POFUT1: variants seen among roughly 807,000 people sequenced by gnomAD.
The protein encoded by POFUT1 is GDP-fucose protein O-fucosyltransferase 1.
Under a neutral mutation model 42.4 loss-of-function variants are expected in POFUT1, and 16 were observed. The ratio of observed to expected loss-of-function variants is 0.38; its 90% CI spans 0.26 to 0.57. The LOEUF (loss-of-function observed/expected upper bound fraction) is 0.57, where lower values mean the gene tolerates loss of function less well. Ranked by LOEUF, POFUT1 falls within the 20% of genes least tolerant of loss-of-function variation. The pLI is 0.71. For missense variants in POFUT1, 470 were observed against 504.6 expected (o/e 0.93, Z 0.66); for synonymous variants, 206 against 205.4 (o/e 1.00, Z -0.03).
chr20:32,224,954 C>T (rs2047407445), intron 4 of POFUT1, among the ~76,000 whole-genome samples: 1 of 152,084 alleles, frequency 6.6e-6, no homozygotes, highest in South Asian at 2.1e-4. Flanking sequence ...TTATATGTAA[C>T]CTTTAACTAG....
chr20:32,237,661 T>G lies in POFUT1; in HGVS notation c.*3000T>G, dbSNP rs1600397931. On this transcript the variant is annotated 3_prime_UTR_variant, in exon 7 of 7. Coordinates refer to ENST00000375749, the MANE Select transcript of POFUT1 (RefSeq NM_015352.2). ...GAGAGATACAGGAAGCCTCCTAGGG[T>G]TCTGAGCAGAAGAGGGGCATGAGCT... 2.7e-6 allele frequency: 1 copy of G among 376,872 alleles called. No individual in the cohort carries two copies. The highest frequency in any genetic ancestry group is 5.6e-6 in the Non-Finnish European group (1 of 178,462). 23.3% of individuals were successfully genotyped at this position (376,872 alleles called of 1,614,324 possible).
Position 32,237,587 on chromosome 20 carries a change from G to A in POFUT1, c.*2926G>A, listed in dbSNP as rs747119538. On this transcript the variant is annotated 3_prime_UTR_variant, in exon 7 of 7. Coordinates refer to ENST00000375749, the MANE Select transcript of POFUT1 (RefSeq NM_015352.2). ...AACCGAGCAGCAGGTCAGAGCAGGCGAGCTGACATTCTGCAGCCTGGACGG... is the reference window on the plus strand; with the variant it reads ...AACCGAGCAGCAGGTCAGAGCAGGCAAGCTGACATTCTGCAGCCTGGACGG... 2.8e-5 allele frequency: 8 copies of A among 289,832 alleles called. No individual in the cohort carries two copies. Among genetic ancestry groups the A allele is most frequent in the African/African-American group, 4.3e-5 (2 of 46,108 alleles). The allele number at this position is 289,832 out of a possible 1,614,324, so 18.0% of individuals were successfully genotyped here.
intron 4 of POFUT1, among the ~76,000 whole-genome samples, chr20:32,225,020 G>T (rs1268641524): frequency 6.6e-6 from 1 of 152,118 alleles, no homozygotes; most frequent in Admixed American, 6.5e-5. Context: ...CTTTCTGTGT[G>T]CCAAGGTACT....
At chr20:32,215,132 G>A (rs1013919889) in intron 2 of POFUT1, 137 bp from the exon 3 acceptor site, 26 of 568,492 alleles carry the variant, frequency 4.6e-5, no homozygotes, top group Non-Finnish European at 7.1e-5. Context: ...CAAGTGATCC[G>A]CCCGCCTTAT....
chr20:32,217,673 G>C, intron 4 of POFUT1: 1 of 985,578 alleles, frequency 1.0e-6, no homozygotes, highest in South Asian at 4.7e-5. Context: ...TATCTGCCTC[G>C]TAGTGCATGA....
intron 4 of POFUT1, among the ~76,000 whole-genome samples, chr20:32,220,822 G>A (rs1163251302): frequency 6.6e-6 from 1 of 151,986 alleles, no homozygotes; most frequent in Non-Finnish European, 1.5e-5. Flanking sequence ...TGTCATCTGG[G>A]AGCCAAGCTG....
At chr20:32,213,629 G>C (rs1022115439) in intron 2 of POFUT1, among the ~76,000 whole-genome samples, 3 of 151,910 alleles carry the variant, frequency 2.0e-5, no homozygotes, top group Non-Finnish European at 4.4e-5. Flanking sequence ...AAAATTAGCC[G>C]GCGTGGTGGT....
At chr20:32,217,514 A>C in intron 4 of POFUT1, 2 of 988,180 alleles carry the variant, frequency 2.0e-6, no homozygotes, top group Non-Finnish European at 2.4e-6. Flanking sequence ...TGGGAGGCCA[A>C]GGTGGGTGGA....
At chr20:32,208,109 C>T (rs1031984829) in intron 1 of POFUT1, 44 bp downstream of exon 1, 3 of 1,523,506 alleles carry the variant, frequency 2.0e-6, no homozygotes, top group African/African-American at 1.4e-5. Flanking sequence ...AAACTGAGGC[C>T]GGGAGAGGAA....
At position 32,226,122 on chromosome 20, in the gene POFUT1, TTTTG is replaced by T. The variant is rs2047413617; in HGVS notation, c.543-2137_543-2134del. Among the ~76,000 whole-genome samples the T allele has an allele frequency of 1.2e-4, 3 of 25,012 alleles. No individual in the cohort carries two copies. In the African/African-American group the frequency reaches 1.8e-3, roughly 15 times the overall value. 16.4% of individuals were successfully genotyped at this position (25,012 alleles called of 152,430 possible). A position where few individuals can be genotyped will look rare whatever the true frequency, so the allele number is the denominator to read the frequency against. ...TGTGTTTTTTGTTTTGTTTGTTTTG[TTTTG>T]TTTTTAAACCTGAAACAAAGCAAAG... On this transcript the variant is annotated intron_variant, in intron 4 of 6. Transcript: ENST00000375749.
Position 32,215,835 on chromosome 20 carries a change from TACTC to T in POFUT1, c.429+387_429+390del, listed in dbSNP as rs554174170. ...GCTTTACATGTATCAACTCATTTAA[TACTC>T]ACACTGTTCCATGAGGAAAATACTT... On this transcript the variant is annotated intron_variant, in intron 3 of 6. Coordinates refer to ENST00000375749, the MANE Select transcript of POFUT1 (RefSeq NM_015352.2). Among the ~76,000 whole-genome samples, 61 of 152,344 alleles carry T rather than the reference TACTC, an allele frequency of 4.0e-4. 2 individuals are homozygous for T. The South Asian group carries it at 0.011, about 27-fold the overall frequency.
chr20:32,222,692 C>T, intron 4 of POFUT1: 2 of 985,240 alleles, frequency 2.0e-6, no homozygotes, highest in South Asian at 9.4e-5. Flanking sequence ...GGTATTTCTT[C>T]TTTACCACGT....
chr20:32,224,875 A>G (rs1403718625), intron 4 of POFUT1, among the ~76,000 whole-genome samples: 1 of 152,240 alleles, frequency 6.6e-6, no homozygotes, highest in East Asian at 1.9e-4. Context: ...ATACAACCAC[A>G]TGATCCACAT....
At chr20:32,219,114 AC>A (rs1400651345) in intron 4 of POFUT1, among the ~76,000 whole-genome samples, 1 of 152,214 alleles carries the variant, frequency 6.6e-6, no homozygotes, top group Non-Finnish European at 1.5e-5. Context: ...CAGAATAAGG[AC>A]ATGAACAAGG....
rs748345599 is a variant in POFUT1 at position 32,236,838 on chromosome 20, G to A, written c.*2177G>A. ...ATTTATTCCCCAGCCCTGGGAAATA[G>A]GAGCTGTCATTATCCTTCTCTTTCT... On this transcript the variant is annotated 3_prime_UTR_variant, in exon 7 of 7. Transcript: ENST00000375749. 7 of 152,176 alleles carry A rather than the reference G, an allele frequency of 4.6e-5. No individual in the cohort carries two copies. Among genetic ancestry groups the A allele is most frequent in the Non-Finnish European group, 1.0e-4 (7 of 68,034 alleles). 9.4% of individuals were successfully genotyped at this position (152,176 alleles called of 1,614,324 possible).
In POFUT1 at chr20:32,215,235, T is replaced by C. The variant is rs1314779863; in HGVS notation, c.247-34T>C. 1.9e-6 allele frequency: 3 copies of C among 1,574,290 alleles called. No individual in the cohort carries two copies. In the African/African-American group the frequency reaches 4.1e-5, roughly 21 times the overall value. ...ATGTCTAAAGTAGCCACGGGGGCAC[T>C]GAGACGGGACCTCTGCTCCTCCTTT... is the stretch of plus-strand genomic sequence containing the variant. On this transcript the variant is annotated intron_variant, in intron 2 of 6. Transcript: ENST00000375749.
Position 32,207,979 on chromosome 20 carries a change from C to A in POFUT1, c.38C>A (p.Ser13Tyr). The change falls in exon 1 of 7, where the codon TCT (serine) becomes TAT (tyrosine). Residue 13 changes from serine to tyrosine, a missense_variant. Transcript: ENST00000375749. ...GCGTGGGCACGGCCGCTGAGCGTGT[C>A]TTTCCTGCTGCTGCTTCTGCCGCTC... ...AAAWARPLSV[S>Y]FLLLLLPLPG... 6.3e-7 allele frequency: 1 copy of A among 1,594,238 alleles called. No homozygotes were observed. Among genetic ancestry groups the A allele is most frequent in the Admixed American group, 1.7e-5 (1 of 59,204 alleles).
chr20:32,207,882 T>G lies in POFUT1; in HGVS notation c.-60T>G, dbSNP rs962929678. ...GGACCGCTGGGAGCGGGGCGGGCGC[T>G]CGCGTCCCTCCTTCCCTCCCCGACT... On this transcript the variant is annotated 5_prime_UTR_variant, in exon 1 of 7. Coordinates refer to ENST00000375749, the MANE Select transcript of POFUT1 (RefSeq NM_015352.2). The G allele has an allele frequency of 7.2e-7, 1 of 1,392,434 alleles. No homozygotes were observed. The highest frequency in any genetic ancestry group is 1.5e-5 in the African/African-American group (1 of 65,562). The allele number at this position is 1,392,434 out of a possible 1,614,324, so 86.3% of individuals were successfully genotyped here.
At chr20:32,222,184 T>C (rs1159435103) in intron 4 of POFUT1, among the ~76,000 whole-genome samples, 2 of 152,144 alleles carry the variant, frequency 1.3e-5, no homozygotes, top group Non-Finnish European at 2.9e-5. Flanking sequence ...ACACCTGTAA[T>C]CCAAGCTACT....
Sources: gnomAD v4.1 joint callset for allele counts (sites outside exome capture counted in the v4.1 genomes callset) on GRCh38, gnomAD v4.1.1 for gene constraint, MANE v1.5 for transcripts, NCBI Gene and HGNC (gene_info 2026-07-23, HGNC 2026-07-21) for gene names.